The following EYS variants were observed in gnomAD, a reference collection of about 807,000 sequenced individuals.
The protein encoded by EYS is EGF-like photoreceptor maintenance factor.
In EYS, 250 loss-of-function variants were observed where a neutral mutation model predicts 282.1. The ratio of observed to expected loss-of-function variants is 0.89; its 90% CI spans 0.80 to 0.98. The LOEUF is 0.98. Ranked by LOEUF, EYS falls within the 50% of genes least tolerant of loss-of-function variation. EYS has a pLI of 0.00. For synonymous variants in EYS, 1,355 were observed against 1,282.9 expected (o/e 1.06, Z -1.20); for missense variants, 4,016 against 3,709.0 (o/e 1.08, Z -2.15).
At chr6:65,027,531 T>C (rs1162314674) in intron 13 of EYS, among the ~76,000 whole-genome samples, 1 of 152,220 alleles carries the variant, frequency 6.6e-6, no homozygotes, top group Non-Finnish European at 1.5e-5. Flanking sequence ...TACAGCATTC[T>C]AAACATTCTC....
At chr6:64,903,005 C>T (rs557334840) in intron 16 of EYS, among the ~76,000 whole-genome samples, 27 of 151,732 alleles carry the variant, frequency 1.8e-4, no homozygotes, top group African/African-American at 6.3e-4. Flanking sequence ...AAACACATGC[C>T]AGTTATATTA....
rs191451704 is a variant in EYS, at chr6:63,769,146, A to C, written c.7899-6513T>G. 2.0e-4 allele frequency among the ~76,000 whole-genome samples: 31 copies of C among 152,138 alleles called. No individual in the cohort carries two copies. In the East Asian group the frequency reaches 5.8e-3, roughly 28 times the overall value. On this transcript the variant is annotated intron_variant, in intron 40 of 42. Coordinates refer to ENST00000503581, the MANE Select transcript of EYS (RefSeq NM_001142800.2). ...ACTATGCTCACTATCTGGGTGATGG[A>C]ATTATTTGTACACCAAACCTCGGCA...
At chr6:65,056,674 A>C (rs1047034387) in intron 13 of EYS, among the ~76,000 whole-genome samples, 2 of 152,104 alleles carry the variant, frequency 1.3e-5, no homozygotes, top group African/African-American at 4.8e-5. Context: ...TGATTAAATA[A>C]GTATGAATTG....
intron 12 of EYS, among the ~76,000 whole-genome samples, chr6:65,192,275 C>T (rs900028282): frequency 5.4e-5 from 7 of 129,688 alleles, no homozygotes; most frequent in Non-Finnish European, 8.3e-5. Context: ...TATTTCTTTC[C>T]CTATAGCTTT....
chr6:65,327,930 A>G (rs1769670003), intron 11 of EYS, among the ~76,000 whole-genome samples: 1 of 151,538 alleles, frequency 6.6e-6, no homozygotes, highest in Non-Finnish European at 1.5e-5. Flanking sequence ...TTCTGAATGA[A>G]AAATATTTAT....
intron 2 of EYS, among the ~76,000 whole-genome samples, chr6:65,550,162 T>C (rs1768562260): frequency 1.1e-4 from 1 of 9,112 alleles, no homozygotes; most frequent in Non-Finnish European, 1.5e-4. Flanking sequence ...TTTTTTTTTT[T>C]TTTTTTTTTT....
chr6:64,456,414 G>A (rs968928335), intron 26 of EYS, among the ~76,000 whole-genome samples: 2 of 151,832 alleles, frequency 1.3e-5, no homozygotes, highest in Admixed American at 1.3e-4. Context: ...AGTTACAACA[G>A]GTCAATTTTA....
At chr6:63,826,787 A>G (rs960153880) in intron 36 of EYS, among the ~76,000 whole-genome samples, 1 of 151,588 alleles carries the variant, frequency 6.6e-6, no homozygotes, top group Non-Finnish European at 1.5e-5. Context: ...ATCAAAACAG[A>G]ACCTCTTTAA....
chr6:63,977,224 A>G lies in EYS; in HGVS notation c.7055+7159T>C, dbSNP rs114287955. On this transcript the variant is annotated intron_variant, in intron 35 of 42. Coordinates refer to ENST00000503581, the MANE Select transcript of EYS (RefSeq NM_001142800.2). Reference sequence around the variant, plus strand: ...ACATGTGATATTTTGATACAGGCATACAATGTGTGATTATCAAATTAGCAT... The same window carrying G: ...ACATGTGATATTTTGATACAGGCATGCAATGTGTGATTATCAAATTAGCAT... Among the ~76,000 whole-genome samples the G allele has an allele frequency of 1.4e-3, 213 of 152,072 alleles. 1 individual carries two copies. Among genetic ancestry groups the G allele is most frequent in the African/African-American group, 4.9e-3 (203 of 41,518 alleles).
At chr6:64,913,393 C>T (rs915116327) in intron 15 of EYS, among the ~76,000 whole-genome samples, 2 of 152,036 alleles carry the variant, frequency 1.3e-5, no homozygotes, top group African/African-American at 4.8e-5. Context: ...AGATTTTCAA[C>T]CCCTACCTTT....
chr6:64,741,779 T>C (rs1235108375), intron 22 of EYS, among the ~76,000 whole-genome samples: 3 of 152,210 alleles, frequency 2.0e-5, no homozygotes, highest in African/African-American at 7.2e-5. Flanking sequence ...TGCAGCTTCC[T>C]CACCTCTTTC....
At chr6:65,529,801 C>T (rs1767695502) in intron 2 of EYS, among the ~76,000 whole-genome samples, 1 of 152,076 alleles carries the variant, frequency 6.6e-6, no homozygotes, top group South Asian at 2.1e-4. Context: ...CCAGAGAGCT[C>T]CCTTGCTCTT....
rs70999177 is a variant in EYS, at chr6:64,901,294, G to GTATATATATATATATATATA, written c.2846+799_2846+818dup. Among the ~76,000 whole-genome samples the GTATATATATATATATATATA allele has an allele frequency of 3.8e-3, 482 of 127,640 alleles. 4 individuals carry two copies. The highest frequency in any genetic ancestry group is 9.6e-3 in the African/African-American group (304 of 31,656). The allele number at this position is 127,640 out of a possible 152,430, so 83.7% of individuals were successfully genotyped here. A position where few individuals can be genotyped will look rare whatever the true frequency, so the allele number is the denominator to read the frequency against. ...TTAGGAGAAATACCTATGTAGTTGA[G>GTATATATATATATATATATA]TATATATATATATATATATATAGGC... On this transcript the variant is annotated intron_variant, in intron 18 of 42. Transcript: ENST00000503581.
At chr6:65,107,228 A>C (rs1302366701) in intron 12 of EYS, among the ~76,000 whole-genome samples, 2 of 151,844 alleles carry the variant, frequency 1.3e-5, no homozygotes, top group African/African-American at 4.8e-5. Flanking sequence ...CGTCATAAAA[A>C]TACATTTCCT....
chr6:65,212,021 G>A (rs1025795898), intron 12 of EYS, among the ~76,000 whole-genome samples: 2 of 151,926 alleles, frequency 1.3e-5, no homozygotes, highest in Non-Finnish European at 2.9e-5. Flanking sequence ...AAACACCATT[G>A]TGTTTACTGT....
chr6:64,914,593 C>T (rs1768105575), intron 15 of EYS, among the ~76,000 whole-genome samples: 1 of 152,028 alleles, frequency 6.6e-6, no homozygotes, highest in Non-Finnish European at 1.5e-5. Context: ...ATTATAAATA[C>T]ATAGGATACC....
intron 2 of EYS, among the ~76,000 whole-genome samples, chr6:65,569,296 C>A (rs749917116): frequency 4.6e-5 from 7 of 152,036 alleles, no homozygotes; most frequent in Non-Finnish European, 8.8e-5. Context: ...ACGGCCCCAC[C>A]CTTATTTCCC....
chr6:64,068,259 A>G (rs770714002), intron 32 of EYS, among the ~76,000 whole-genome samples: 5 of 152,064 alleles, frequency 3.3e-5, no homozygotes, highest in Non-Finnish European at 7.4e-5. Flanking sequence ...CTGTTTTGAT[A>G]TACTCTGTTG....
chr6:65,354,054 T>C (rs1242985489), intron 8 of EYS, among the ~76,000 whole-genome samples: 2 of 152,184 alleles, frequency 1.3e-5, no homozygotes, highest in Non-Finnish European at 1.5e-5. Flanking sequence ...AATCAGGGCA[T>C]ATTGTCTAAT....
Sources: allele counts gnomAD v4.1 joint callset (sites outside exome capture counted in the v4.1 genomes callset), GRCh38; gene constraint gnomAD v4.1.1; transcripts MANE v1.5; gene names NCBI Gene and HGNC (gene_info 2026-07-23, HGNC 2026-07-21).